The following UVRAG variants were observed in gnomAD, a reference collection of about 807,000 sequenced individuals.
UVRAG encodes the protein UV radiation resistance-associated gene protein.
A neutral mutation model predicts 78.0 loss-of-function variants in UVRAG; 19 were observed. The observed-to-expected ratio is 0.24, with a 90% CI of 0.17 to 0.36. The LOEUF (loss-of-function observed/expected upper bound fraction) is 0.36. Ranked by LOEUF, UVRAG falls within the 10% of genes least tolerant of loss-of-function variation. UVRAG has a pLI of 1.00. For synonymous variants in UVRAG, 323 were observed against 324.6 expected (o/e 1.00, Z 0.05); for missense variants, 740 against 853.8 (o/e 0.87, Z 1.66).
chr11:76,007,080 AG>A (rs1206828357), intron 9 of UVRAG, among the ~76,000 whole-genome samples: 3 of 152,032 alleles, frequency 2.0e-5, no homozygotes, highest in African/African-American at 7.2e-5. Context: ...TGGCATGATC[AG>A]GGCTCACTGC....
At chr11:75,975,873 A>G (rs1339847253) in intron 7 of UVRAG, among the ~76,000 whole-genome samples, 1 of 152,118 alleles carries the variant, frequency 6.6e-6, no homozygotes, top group Non-Finnish European at 1.5e-5. Flanking sequence ...TCTCCTGCCT[A>G]ATTGCCCTGG....
chr11:76,006,412 C>T (rs984769239), intron 9 of UVRAG, among the ~76,000 whole-genome samples: 1 of 151,912 alleles, frequency 6.6e-6, no homozygotes, highest in Non-Finnish European at 1.5e-5. Flanking sequence ...GTGATCCCAG[C>T]ACTTTGGGAG....
intron 12 of UVRAG, among the ~76,000 whole-genome samples, chr11:76,025,452 C>A (rs1950310912): frequency 6.6e-6 from 1 of 152,218 alleles, no homozygotes; most frequent in South Asian, 2.1e-4. Flanking sequence ...GTTTTATTCT[C>A]AGGAGGAGAA....
At chr11:75,972,431 T>C (rs754848304) in intron 7 of UVRAG, among the ~76,000 whole-genome samples, 5 of 152,244 alleles carry the variant, frequency 3.3e-5, no homozygotes, top group Non-Finnish European at 7.3e-5. Context: ...TTAGTCCCTC[T>C]CGCACTCACT....
intron 1 of UVRAG, chr11:75,838,830 A>T (rs1945845249): frequency 6.6e-6 from 1 of 152,300 alleles, no homozygotes; most frequent in African/African-American, 2.4e-5. Context: ...CTCTGCCCTG[A>T]TGAGTGGATT....
intron 12 of UVRAG, among the ~76,000 whole-genome samples, chr11:76,044,425 G>A (rs1565134334): frequency 6.6e-6 from 1 of 152,198 alleles, no homozygotes; most frequent in Non-Finnish European, 1.5e-5. Context: ...CTGAACAAAT[G>A]TGCTTATCTT....
chr11:76,136,737 G>T (rs1006314272), intron 14 of UVRAG, among the ~76,000 whole-genome samples: 7 of 151,590 alleles, frequency 4.6e-5, no homozygotes, highest in Non-Finnish European at 8.8e-5. Context: ...GGTTCAAGCA[G>T]TCCTCCCACC....
intron 6 of UVRAG, among the ~76,000 whole-genome samples, chr11:75,938,342 T>C (rs111515121): frequency 1.1e-3 from 161 of 152,324 alleles, no homozygotes; most frequent in African/African-American, 3.8e-3. Flanking sequence ...TTGGATCAGT[T>C]CTGATTGATT....
intron 14 of UVRAG, among the ~76,000 whole-genome samples, chr11:76,121,094 G>A (rs77325561): frequency 2.2e-3 from 333 of 152,312 alleles, no homozygotes; most frequent in Non-Finnish European, 3.9e-3. Context: ...TTATGTGACA[G>A]CTTGTTTTGT....
At chr11:75,902,966 G>T (rs1947538623) in intron 5 of UVRAG, among the ~76,000 whole-genome samples, 1 of 152,154 alleles carries the variant, frequency 6.6e-6, no homozygotes, top group Non-Finnish European at 1.5e-5. Flanking sequence ...CTTATTGTCT[G>T]CTAGATGTGT....
At chr11:76,065,645 T>TGACA in intron 12 of UVRAG, 65 bp from the exon 13 acceptor site, 1 of 1,470,812 alleles carries the variant, frequency 6.8e-7, no homozygotes, top group Non-Finnish European at 9.5e-7. Context: ...CAGCCTCTGT[T>TGACA]GACAACTTGG....
At chr11:75,911,855 T>C in intron 5 of UVRAG, 99 bp from the exon 6 acceptor site, 2 of 801,702 alleles carry the variant, frequency 2.5e-6, no homozygotes, top group South Asian at 1.8e-5. Flanking sequence ...TTTACTCAGT[T>C]GTTAATATGT....
At chr11:75,934,718 A>G (rs1948328083) in intron 6 of UVRAG, among the ~76,000 whole-genome samples, 2 of 152,196 alleles carry the variant, frequency 1.3e-5, no homozygotes. Flanking sequence ...CAGCAAAAAC[A>G]TCTCATACCT....
intron 1 of UVRAG, among the ~76,000 whole-genome samples, chr11:75,817,981 A>C (rs756256960): frequency 1.3e-5 from 2 of 151,886 alleles, no homozygotes; most frequent in African/African-American, 4.8e-5. Context: ...AATTGCTTGA[A>C]CCTGGGAGGC....
intron 13 of UVRAG, among the ~76,000 whole-genome samples, chr11:76,084,223 A>G (rs1008942330): frequency 2.6e-5 from 4 of 152,236 alleles, no homozygotes; most frequent in Non-Finnish European, 4.4e-5. Flanking sequence ...ATTAGTTTAT[A>G]TCTCCTTATT....
At chr11:75,857,780 A>G (rs1262711103) in intron 2 of UVRAG, among the ~76,000 whole-genome samples, 1 of 146,620 alleles carries the variant, frequency 6.8e-6, no homozygotes, top group Admixed American at 6.8e-5. Context: ...GAGCCACTGT[A>G]CTCAGCCTTT....
At chr11:75,976,403 C>T (rs907447604) in intron 7 of UVRAG, among the ~76,000 whole-genome samples, 2 of 152,118 alleles carry the variant, frequency 1.3e-5, no homozygotes, top group Non-Finnish European at 1.5e-5. Context: ...GGGAGGATTC[C>T]CTCTTTTTCT....
intron 5 of UVRAG, among the ~76,000 whole-genome samples, chr11:75,891,870 C>T (rs755205928): frequency 9.2e-5 from 14 of 151,650 alleles, no homozygotes; most frequent in South Asian, 2.1e-4. Context: ...ACCCTGATGG[C>T]GCCACTTCAC....
chr11:76,042,120 C>A (rs1462182147), intron 12 of UVRAG, among the ~76,000 whole-genome samples: 1 of 152,094 alleles, frequency 6.6e-6, no homozygotes, highest in Non-Finnish European at 1.5e-5. Flanking sequence ...TACATCATTA[C>A]TTGTACTGGT....
Sources: allele counts gnomAD v4.1 joint callset (sites outside exome capture counted in the v4.1 genomes callset), GRCh38; gene constraint gnomAD v4.1.1; transcripts MANE v1.5; gene names NCBI Gene and HGNC (gene_info 2026-07-23, HGNC 2026-07-21).